The following BBS7 variants were observed in gnomAD, a reference collection of about 807,000 sequenced individuals.
BBS7 encodes Bardet-Biedl syndrome 7.
A neutral mutation model predicts 90.3 loss-of-function variants in BBS7; 50 were observed. That is an observed-to-expected ratio of 0.55 (90% CI 0.44 to 0.70). BBS7 has a LOEUF of 0.70. BBS7 is among the 30% of genes least tolerant of loss of function. The probability of loss-of-function intolerance (pLI) is 0.00; values close to 1 mark genes in which losing one functional copy is unlikely to be tolerated. For missense variants in BBS7, 729 were observed against 838.9 expected, an observed-to-expected ratio of 0.87 and a Z score of 1.62; for synonymous variants, 235 against 287.4, an observed-to-expected ratio of 0.82 and a Z score of 1.85.
intron 15 of BBS7, among the ~76,000 whole-genome samples, chr4:121,830,210 T>C (rs1310188032): frequency 1.3e-5 from 2 of 152,144 alleles, no homozygotes. Flanking sequence ...GAGACTAACC[T>C]GGCCAACATG....
At chr4:121,834,729 G>A (rs547861613) in intron 14 of BBS7, among the ~76,000 whole-genome samples, 20 of 152,198 alleles carry the variant, frequency 1.3e-4, no homozygotes, top group Middle Eastern at 3.4e-3. Context: ...GAAATAAAAG[G>A]CACTATCACA....
chr4:121,858,536 A>C (rs1381390476), intron 5 of BBS7: 3 of 159,658 alleles, frequency 1.9e-5, no homozygotes, highest in African/African-American at 7.2e-5. Context: ...TCTATCACTC[A>C]TTTACTTATC....
At chr4:121,848,802 T>G in intron 9 of BBS7, 42 bp downstream of exon 9, 1 of 1,504,820 alleles carries the variant, frequency 6.6e-7, no homozygotes. Context: ...ATTTTTTTTG[T>G]TGTTGACTCT....
intron 5 of BBS7, among the ~76,000 whole-genome samples, chr4:121,855,902 G>A (rs1421135741): frequency 7.2e-6 from 1 of 138,516 alleles, no homozygotes; most frequent in Non-Finnish European, 1.5e-5. Context: ...ACATGTATGT[G>A]TATATATGTA....
intron 7 of BBS7, 57 bp downstream of exon 7, chr4:121,854,646 AT>A: frequency 1.3e-6 from 2 of 1,526,008 alleles, no homozygotes; most frequent in Admixed American, 1.7e-5. Context: ...AAATTATATA[AT>A]TTAAGATACT....
chr4:121,848,794 T>A (rs1400428410), intron 9 of BBS7, 50 bp downstream of exon 9: 1 of 1,474,976 alleles, frequency 6.8e-7, no homozygotes, highest in African/African-American at 1.5e-5. Context: ...TAAATTTAAT[T>A]TTTTTTGTTG....
intron 15 of BBS7, among the ~76,000 whole-genome samples, chr4:121,832,730 A>G (rs7699776): frequency 0.26 from 39,768 of 152,120 alleles, 5,989 homozygotes; most frequent in Non-Finnish European, 0.32. Flanking sequence ...TTTGTGCATA[A>G]AGAAATTCAA....
At chr4:121,848,697 C>T in intron 9 of BBS7, 147 bp downstream of exon 9, 1 of 639,954 alleles carries the variant, frequency 1.6e-6, no homozygotes, top group Non-Finnish European at 2.7e-6. Context: ...TTTGAGGCTT[C>T]CACTGGGGGT....
chr4:121,840,283 G>A (rs372576822), intron 12 of BBS7, among the ~76,000 whole-genome samples: 6 of 152,196 alleles, frequency 3.9e-5, no homozygotes, highest in African/African-American at 9.6e-5. Flanking sequence ...TTCACCTTCC[G>A]CCATGATTGT....
chr4:121,826,008 C>A lies in BBS7; in HGVS notation c.2015-15G>T. On this transcript the variant is annotated splice_polypyrimidine_tract_variant and intron_variant, in intron 18 of 18. Coordinates refer to ENST00000264499, the MANE Select transcript of BBS7 (RefSeq NM_176824.3). ...AGTGATCATGCCTTTAAAGAAAAAA[C>A]ATAAATTTCCTGTCAGTGATTAGTT... 1 of 1,572,866 alleles carries A rather than the reference C, an allele frequency of 6.4e-7. No individual in the cohort carries two copies. Among genetic ancestry groups the A allele is most frequent in the Non-Finnish European group, 8.7e-7 (1 of 1,146,478 alleles).
chr4:121,861,584 T>C lies in BBS7; in HGVS notation c.261A>G (p.Ala87=), dbSNP rs752151186. The C allele has an allele frequency of 1.2e-6, 2 of 1,613,842 alleles. No homozygotes were observed. The highest frequency in any genetic ancestry group is 2.2e-5 in the South Asian group (2 of 91,078). The change falls in exon 4 of 19, where the codon GCA becomes GCG. Residue 87 remains alanine (A), a synonymous_variant. Transcript: ENST00000264499. The stretch of plus-strand genomic sequence containing the variant: ...TTTTTGTGAAGCCTCTAATCTCAGA[T>C]GCTGCAGCAATAAAAATTTTCTCCT... ...TPQEKIFIAA[A]SEIRGFTKRG...
At chr4:121,838,723 T>TA (rs534107493) in intron 13 of BBS7, among the ~76,000 whole-genome samples, 3,870 of 140,890 alleles carry the variant, frequency 0.027, 141 homozygotes, top group East Asian at 0.2. Flanking sequence ...ACCCCGTCCC[T>TA]AAAAAAAAAA....
intron 2 of BBS7, among the ~76,000 whole-genome samples, chr4:121,864,202 T>C (rs1261360321): frequency 1.3e-5 from 2 of 152,206 alleles, no homozygotes; most frequent in Non-Finnish European, 2.9e-5. Flanking sequence ...TTCCTGGTGC[T>C]AAAAAACTCT....
Position 121,833,378 on chromosome 4 carries a change from G to T in BBS7, c.1529C>A (p.Thr510Asn), listed in dbSNP as rs1725290587. 1 of 1,613,848 alleles carries T rather than the reference G, an allele frequency of 6.2e-7. No individual in the cohort carries two copies. The highest frequency in any genetic ancestry group is 8.5e-7 in the Non-Finnish European group (1 of 1,179,938). Residue 510 changes from threonine (T) to asparagine (N), a missense_variant, in exon 15 of 19, where the codon ACC becomes AAC. Transcript: ENST00000264499. ...IDHDRPMNTL[T>N]LTGQFSFAEV... is the part of the protein sequence containing the mutation. ...AGCAAAACTGAACTGGCCTGTTAGGGTCAGTGTATTCATGGGTCTGTAATA... is the reference window on the plus strand; with the variant it reads ...AGCAAAACTGAACTGGCCTGTTAGGTTCAGTGTATTCATGGGTCTGTAATA...
At position 121,861,577 on chromosome 4, in the gene BBS7, T is replaced by A. The variant is rs1197411330; in HGVS notation, c.268A>T (p.Ile90Phe). The change falls in exon 4 of 19, where the codon ATT becomes TTT. Residue 90 changes from isoleucine (I) to phenylalanine (F), a missense_variant. By Grantham distance (21) the Ile-to-Phe change is conservative (BLOSUM62 0). Coordinates refer to ENST00000264499, the MANE Select transcript of BBS7 (RefSeq NM_176824.3). ...EKIFIAAASE[I>F]RGFTKRGKQF... ...TTTCCTCTTTTTGTGAAGCCTCTAA[T>A]CTCAGATGCTGCAGCAATAAAAATT... 1 of 1,613,876 alleles carries A rather than the reference T, an allele frequency of 6.2e-7. No individual in the cohort carries two copies. Among genetic ancestry groups the A allele is most frequent in the Non-Finnish European group, 8.5e-7 (1 of 1,179,804 alleles).
chr4:121,870,453 G>C lies in BBS7; in HGVS notation c.-140C>G. On this transcript the variant is annotated 5_prime_UTR_variant, in exon 1 of 19. Coordinates refer to ENST00000264499, the MANE Select transcript of BBS7 (RefSeq NM_176824.3). ...CCCAGCTACCGCGCCTAGGTCCTGG[G>C]CTGCACAGGCGGGGCGACAGGGCAG... The C allele has an allele frequency of 3.4e-6, 3 of 892,958 alleles. No individual in the cohort carries two copies. The highest frequency in any genetic ancestry group is 2.0e-5 in the Admixed American group (1 of 48,852). The allele number at this position is 892,958 out of a possible 1,614,324, so 55.3% of individuals were successfully genotyped here. A position where few individuals can be genotyped will look rare whatever the true frequency, so the allele number is the denominator to read the frequency against.
At chr4:121,861,361 A>C (rs568762816) in intron 4 of BBS7, 143 bp downstream of exon 4, 1 of 784,922 alleles carries the variant, frequency 1.3e-6, no homozygotes, top group East Asian at 2.8e-5. Flanking sequence ...TTGTAGGTCA[A>C]ATTTAGTTTC....
In BBS7 at chr4:121,865,994, TG is replaced by T. The variant is rs566629972; in HGVS notation, c.102+1986del. Reference sequence around the variant, plus strand: ...ATTAATGATGTTAAGTATTTTTTCATGTTTTTTTGGTCATTTGTATGTATTC... The same window carrying T: ...ATTAATGATGTTAAGTATTTTTTCATTTTTTTTGGTCATTTGTATGTATTC... On this transcript the variant is annotated intron_variant, in intron 2 of 18. Coordinates refer to ENST00000264499, the MANE Select transcript of BBS7 (RefSeq NM_176824.3). Among the ~76,000 whole-genome samples, 33 of 152,342 alleles carry T rather than the reference TG, an allele frequency of 2.2e-4. 1 individual carries two copies. The South Asian group carries it at 2.9e-3, about 13-fold the overall frequency.
intron 15 of BBS7, 134 bp downstream of exon 15, chr4:121,833,097 T>G: frequency 1.2e-6 from 1 of 837,940 alleles, no homozygotes; most frequent in Non-Finnish European, 1.9e-6. Flanking sequence ...ACTAATTTGA[T>G]TTTTCAATAG....
Sources: allele counts gnomAD v4.1 joint callset (sites outside exome capture counted in the v4.1 genomes callset), GRCh38; gene constraint gnomAD v4.1.1; transcripts MANE v1.5; gene names NCBI Gene and HGNC (gene_info 2026-07-23, HGNC 2026-07-21).